The following RBM14 variants were observed in gnomAD, a reference collection of about 807,000 sequenced individuals.
RBM14 encodes the protein RNA binding motif protein 14, also known as RNA-binding protein 14.
A neutral mutation model predicts 52.8 loss-of-function variants in RBM14; 5 were observed. The observed-to-expected ratio is 0.09, with a 90% confidence interval of 0.05 to 0.20. RBM14 has a LOEUF of 0.20. RBM14 is among the 10% of genes least tolerant of loss of function. The pLI, the probability that RBM14 is intolerant of heterozygous loss-of-function variation, is 1.00. For missense variants in RBM14, 780 were observed against 926.6 expected (o/e 0.84, Z 2.05); for synonymous variants, 411 against 401.8 (o/e 1.02, Z -0.28).
chr11:66,617,020 G>C lies in RBM14; in HGVS notation c.300G>C (p.Glu100Asp). The change falls in exon 1 of 3, where the codon GAG becomes GAC. Residue 100 changes from glutamate to aspartate, a missense_variant. Coordinates refer to ENST00000310137, the MANE Select transcript of RBM14 (RefSeq NM_006328.4). ...GCCAGGAACTGCGCAGCCTCTTCGA[G>C]CGCCGCGGACGCGTCATCGAGTGTG... ...CTSQELRSLF[E>D]RRGRVIECDV... 6.2e-7 allele frequency: 1 copy of C among 1,605,758 alleles called. No homozygotes were observed. The highest frequency in any genetic ancestry group is 8.5e-7 in the Non-Finnish European group (1 of 1,175,340).
rs765160137 is a variant in RBM14 at position 66,624,730 on chromosome 11, A to G, written c.854A>G (p.Tyr285Cys). Reference sequence around the variant, plus strand: ...CCCTCTGTCTCCCTTGGGGCACCATACAGGGGCCAGCTGGCTAGTCCTAGC... The same window carrying G: ...CCCTCTGTCTCCCTTGGGGCACCATGCAGGGGCCAGCTGGCTAGTCCTAGC... ...AQPSVSLGAPYRGQLASPSSQ... is the reference protein window; with the variant it reads ...AQPSVSLGAPCRGQLASPSSQ... The change falls in exon 2 of 3, where the codon TAC becomes TGC. Residue 285 changes from tyrosine to cysteine, a missense_variant. Around this residue, in one of 4 missense-constraint regions of RBM14, gnomAD observed 675 missense variants for 697.3 expected, o/e 0.97. Transcript: ENST00000310137. This position sits in a 1 kb window ranked among gnomAD's most constrained non-coding sequence, Gnocchi z 4.7. 6.2e-6 allele frequency: 10 copies of G among 1,613,722 alleles called. 1 individual carries two copies. In the South Asian group the frequency reaches 9.9e-5, roughly 16 times the overall value.
At chr11:66,620,469 T>C (rs1248645545) in intron 1 of RBM14, among the ~76,000 whole-genome samples, 2 of 152,014 alleles carry the variant, frequency 1.3e-5, no homozygotes, top group Non-Finnish European at 2.9e-5. Flanking sequence ...ACCTGGCTAA[T>C]TTTTGAATTT....
At chr11:66,617,513 C>G in intron 1 of RBM14, 3 of 995,938 alleles carry the variant, frequency 3.0e-6, no homozygotes, top group Non-Finnish European at 3.6e-6. Flanking sequence ...CCAAGGCCGC[C>G]CTCCTGTTCC....
chr11:66,618,281 A>G (rs1180810837), intron 1 of RBM14, among the ~76,000 whole-genome samples: 3 of 152,128 alleles, frequency 2.0e-5, no homozygotes, highest in Non-Finnish European at 4.4e-5. Context: ...ATACCTGCTC[A>G]TACCCTGTGT....
Position 66,625,710 on chromosome 11 carries a change from C to T in RBM14, c.1802+32C>T. ...TATGCCCCCCCGCCTCTGCCCCCAG[C>T]TGGGGCTTAGGGCAAGGGGCTGAGG... On this transcript the variant is annotated intron_variant, in intron 2 of 2. Transcript: ENST00000310137. The surrounding 1 kb of genome is among the most constrained non-coding windows in gnomAD (Gnocchi z 4.2). 6.6e-7 allele frequency: 1 copy of T among 1,524,638 alleles called. No individual in the cohort carries two copies. Among genetic ancestry groups the T allele is most frequent in the Non-Finnish European group, 8.9e-7 (1 of 1,124,354 alleles). 94.4% of individuals were successfully genotyped at this position (1,524,638 alleles called of 1,614,324 possible).
In RBM14 at chr11:66,625,519, A is replaced by T. The variant is rs12291002; in HGVS notation, c.1643A>T (p.Tyr548Phe). 1 of 1,612,814 alleles carries T rather than the reference A, an allele frequency of 6.2e-7. No homozygotes were observed. Among genetic ancestry groups the T allele is most frequent in the Non-Finnish European group, 8.5e-7 (1 of 1,179,596 alleles). The change falls in exon 2 of 3, where the codon TAC becomes TTC. Residue 548 changes from tyrosine (Y) to phenylalanine (F), a missense_variant. By Grantham distance (22) the Tyr-to-Phe change is conservative. This residue lies in a region of RBM14 where 675 missense variants were observed against 697.3 expected (regional missense o/e 0.97). Coordinates refer to ENST00000310137, the MANE Select transcript of RBM14 (RefSeq NM_006328.4). The surrounding 1 kb of genome is among the most constrained non-coding windows in gnomAD (Gnocchi z 4.2). Reference protein sequence around the residue: ...ASYRGQPGNAYDGAGQPSAAY... With the variant: ...ASYRGQPGNAFDGAGQPSAAY... ...TACCGCGGCCAGCCAGGCAATGCCTACGATGGGGCAGGTCAGCCGTCTGCA... is the reference window on the plus strand; with the variant it reads ...TACCGCGGCCAGCCAGGCAATGCCTTCGATGGGGCAGGTCAGCCGTCTGCA...
Position 66,629,278 on chromosome 11 carries a change from C to T in RBM14, c.*2610C>T, listed in dbSNP as rs192531199. On this transcript the variant is annotated 3_prime_UTR_variant, in exon 3 of 3. Coordinates refer to ENST00000310137, the MANE Select transcript of RBM14 (RefSeq NM_006328.4). ...CAGATTATTCAGCTTCTCCACCTAT[C>T]ACCTCTACAACTTGGCCTTCATTGG... 1.3e-5 allele frequency among the ~76,000 whole-genome samples: 2 copies of T among 152,342 alleles called. No homozygotes were observed. Among genetic ancestry groups the T allele is most frequent in the Non-Finnish European group, 2.9e-5 (2 of 68,036 alleles).
At chr11:66,619,271 C>T (rs900143918) in intron 1 of RBM14, 2 of 152,068 alleles carry the variant, frequency 1.3e-5, no homozygotes, top group African/African-American at 4.8e-5. Flanking sequence ...TGGTGTTGCA[C>T]CAGACAACCA....
intron 1 of RBM14, among the ~76,000 whole-genome samples, chr11:66,622,717 G>A (rs1859173215): frequency 6.6e-6 from 1 of 152,208 alleles, no homozygotes; most frequent in African/African-American, 2.4e-5. Flanking sequence ...GACTTGTTCT[G>A]TAGGAGCAGC....
rs1348533782 is a variant in RBM14, at chr11:66,626,627, C to T, written c.1969C>T (p.Arg657Trp). ...RYSGSYNDYL[R>W]AAQMHSGYQR... ...TTCGGGCTCCTATAATGATTACCTG[C>T]GGGCGGCTCAGATGCACTCTGGCTA... The change falls in exon 3 of 3, where the codon CGG becomes TGG. Residue 657 changes from arginine to tryptophan, a missense_variant. Arg to Trp is a moderately radical substitution (Grantham distance 101). Around this residue, in one of 4 missense-constraint regions of RBM14, gnomAD observed 675 missense variants for 697.3 expected, o/e 0.97. Coordinates refer to ENST00000310137, the MANE Select transcript of RBM14 (RefSeq NM_006328.4). 1.9e-6 allele frequency: 3 copies of T among 1,612,476 alleles called. No homozygotes were observed. Among genetic ancestry groups the T allele is most frequent in the South Asian group, 1.1e-5 (1 of 90,922 alleles).
chr11:66,626,574 C>T lies in RBM14; in HGVS notation c.1916C>T (p.Pro639Leu). The change falls in exon 3 of 3, where the codon CCC becomes CTC. Residue 639 changes from proline to leucine, a missense_variant. By Grantham distance (98) the Pro-to-Leu change is moderately conservative. Transcript: ENST00000310137. Reference sequence around the variant, plus strand: ...TCCTCGCTGGATTACCGTCGCCTGCCCGATGCCCATTCCGATTACGCACGC... The same window carrying T: ...TCCTCGCTGGATTACCGTCGCCTGCTCGATGCCCATTCCGATTACGCACGC... ...TKSSLDYRRL[P>L]DAHSDYARYS... 6.2e-7 allele frequency: 1 copy of T among 1,613,968 alleles called. No homozygotes were observed. The highest frequency in any genetic ancestry group is 8.5e-7 in the Non-Finnish European group (1 of 1,180,040).
At position 66,626,905 on chromosome 11, in the gene RBM14, A is replaced by G. The variant is rs1937843470; in HGVS notation, c.*237A>G. On this transcript the variant is annotated 3_prime_UTR_variant, in exon 3 of 3. Coordinates refer to ENST00000310137, the MANE Select transcript of RBM14 (RefSeq NM_006328.4). ...GCTCTAGATCTGCGGTTTCCCCTCT[A>G]CCCTGCCTCCCGTCTCCCCAGAATG... The G allele has an allele frequency of 2.3e-6, 1 of 439,656 alleles. No individual in the cohort carries two copies. The highest frequency in any genetic ancestry group is 4.0e-6 in the Non-Finnish European group (1 of 249,780). 27.2% of individuals were successfully genotyped at this position (439,656 alleles called of 1,614,324 possible). A position where few individuals can be genotyped will look rare whatever the true frequency, so the allele number is the denominator to read the frequency against.
intron 1 of RBM14, among the ~76,000 whole-genome samples, chr11:66,622,664 A>G (rs1859170397): frequency 6.6e-6 from 1 of 152,066 alleles, no homozygotes; most frequent in Non-Finnish European, 1.5e-5. Context: ...TTTTTTCCCC[A>G]TTATCCTTAG....
At position 66,625,387 on chromosome 11, in the gene RBM14, A is replaced by G. The variant is rs1416643415; in HGVS notation, c.1511A>G (p.Tyr504Cys). 1 of 1,613,098 alleles carries G rather than the reference A, an allele frequency of 6.2e-7. No homozygotes were observed. Among genetic ancestry groups the G allele is most frequent in the Non-Finnish European group, 8.5e-7 (1 of 1,179,866 alleles). The change falls in exon 2 of 3, where the codon TAC becomes TGC. Residue 504 changes from tyrosine (Y) to cysteine (C), a missense_variant. By Grantham distance (194) the Tyr-to-Cys change is radical. Transcript: ENST00000310137. The surrounding 1 kb of genome is among the most constrained non-coding windows in gnomAD (Gnocchi z 4.2). Reference sequence around the variant, plus strand: ...GGCTCCTATGGTGCCGCAGCAGCCTACGGGGCCCAACCTTCTGCCACCCTG... The same window carrying G: ...GGCTCCTATGGTGCCGCAGCAGCCTGCGGGGCCCAACCTTCTGCCACCCTG... Reference protein sequence around the residue: ...ATGSYGAAAAYGAQPSATLAA... With the variant: ...ATGSYGAAAACGAQPSATLAA...
chr11:66,625,709 G>T lies in RBM14; in HGVS notation c.1802+31G>T. On this transcript the variant is annotated intron_variant, in intron 2 of 2. Transcript: ENST00000310137. This position sits in a 1 kb window ranked among gnomAD's most constrained non-coding sequence, Gnocchi z 4.2. ...GTATGCCCCCCCGCCTCTGCCCCCA[G>T]CTGGGGCTTAGGGCAAGGGGCTGAG... is the stretch of plus-strand genomic sequence containing the variant. 1 of 1,527,842 alleles carries T rather than the reference G, an allele frequency of 6.5e-7. No individual in the cohort carries two copies. The highest frequency in any genetic ancestry group is 1.2e-5 in the South Asian group (1 of 83,960). The allele number at this position is 1,527,842 out of a possible 1,614,324, so 94.6% of individuals were successfully genotyped here. A position where few individuals can be genotyped will look rare whatever the true frequency, so the allele number is the denominator to read the frequency against.
Position 66,624,127 on chromosome 11 carries a change from G to A in RBM14, c.338-87G>A. On this transcript the variant is annotated intron_variant, in intron 1 of 2. Coordinates refer to ENST00000310137, the MANE Select transcript of RBM14 (RefSeq NM_006328.4). The surrounding 1 kb of genome is among the most constrained non-coding windows in gnomAD (Gnocchi z 4.7). ...GCCTTGGAGGTAGCTGGCAACAGCT[G>A]GGTGCTGTTGTGTGTCCAATTTGGG... 2.0e-6 allele frequency: 3 copies of A among 1,538,294 alleles called. No individual in the cohort carries two copies. The highest frequency in any genetic ancestry group is 2.0e-5 in the Admixed American group (1 of 50,404).
Position 66,625,738 on chromosome 11 carries a change from G to T in RBM14, c.1802+60G>T. 7.5e-7 allele frequency: 1 copy of T among 1,342,068 alleles called. No homozygotes were observed. The highest frequency in any genetic ancestry group is 1.0e-6 in the Non-Finnish European group (1 of 984,404). 83.1% of individuals were successfully genotyped at this position (1,342,068 alleles called of 1,614,324 possible). A position where few individuals can be genotyped will look rare whatever the true frequency, so the allele number is the denominator to read the frequency against. ...GGGCTTAGGGCAAGGGGCTGAGGTT[G>T]GCATGGGAGGGAAACTGGAGGCATC... On this transcript the variant is annotated intron_variant, in intron 2 of 2. Coordinates refer to ENST00000310137, the MANE Select transcript of RBM14 (RefSeq NM_006328.4). The surrounding 1 kb of genome is among the most constrained non-coding windows in gnomAD (Gnocchi z 4.2).
rs771220577 is a variant in RBM14, at chr11:66,625,688, G to GC, written c.1802+17dup. 6.3e-5 allele frequency: 99 copies of GC among 1,564,960 alleles called. No individual in the cohort carries two copies. Among genetic ancestry groups the GC allele is most frequent in the South Asian group, 1.4e-4 (12 of 86,408 alleles). ...TCGCCATGTCGAAAAGGTACTGTATGCCCCCCCGCCTCTGCCCCCAGCTGG... is the reference window on the plus strand; with the variant it reads ...TCGCCATGTCGAAAAGGTACTGTATGCCCCCCCCGCCTCTGCCCCCAGCTGG... On this transcript the variant is annotated intron_variant, in intron 2 of 2. Transcript: ENST00000310137. The surrounding 1 kb of genome is among the most constrained non-coding windows in gnomAD (Gnocchi z 4.2).
intron 1 of RBM14, chr11:66,619,105 T>TAA: frequency 6.5e-6 from 1 of 152,876 alleles, no homozygotes; most frequent in East Asian, 1.9e-4. Flanking sequence ...GATGTCTTTT[T>TAA]ATCTGTTTGT....
Sources: gnomAD v4.1 joint callset for allele counts (sites outside exome capture counted in the v4.1 genomes callset) on GRCh38, gnomAD v4.1.1 for gene constraint, gnomAD v4.1.1 regional missense constraint, Gnocchi (gnomAD v3.1) non-coding constraint, MANE v1.5 for transcripts, NCBI Gene and HGNC (gene_info 2026-07-23, HGNC 2026-07-21) for gene names.